Variants in CNOT6 observed in about 807,000 individuals in gnomAD.
CNOT6 encodes the protein CCR4-NOT transcription complex subunit 6.
Under a neutral mutation model 61.2 loss-of-function variants are expected in CNOT6, and 12 were observed. That is an observed-to-expected ratio of 0.20 (90% CI 0.13 to 0.32). CNOT6 has a LOEUF of 0.32. CNOT6 is among the 10% of genes least tolerant of loss of function. The pLI, the probability that CNOT6 is intolerant of heterozygous loss-of-function variation, is 1.00. For synonymous variants in CNOT6, 225 were observed against 240.6 expected (o/e 0.94, Z 0.60); for missense variants, 405 against 663.9 (o/e 0.61, Z 4.28).
chr5:180,521,594 T>C (rs1003310026), intron 1 of CNOT6, among the ~76,000 whole-genome samples: 1 of 152,216 alleles, frequency 6.6e-6, no homozygotes, highest in East Asian at 1.9e-4. Flanking sequence ...ATCCAAGGGG[T>C]ACATGTGCAG....
At chr5:180,559,888 T>G (rs1456565124) in intron 4 of CNOT6, among the ~76,000 whole-genome samples, 1 of 152,108 alleles carries the variant, frequency 6.6e-6, no homozygotes, top group African/African-American at 2.4e-5. Context: ...TTTTATTCAC[T>G]GCCATTGATA....
chr5:180,558,354 C>G (rs1230189928), intron 4 of CNOT6, among the ~76,000 whole-genome samples: 1 of 152,108 alleles, frequency 6.6e-6, no homozygotes, highest in Non-Finnish European at 1.5e-5. Flanking sequence ...ATCCATGCCA[C>G]GGGAGGAGGC....
intron 3 of CNOT6, among the ~76,000 whole-genome samples, chr5:180,551,608 A>G (rs926887207): frequency 6.3e-4 from 96 of 152,182 alleles, no homozygotes; most frequent in African/African-American, 2.0e-3. Flanking sequence ...ATATAAAGCT[A>G]AATTCCATGT....
At chr5:180,535,180 G>T (rs13168976) in intron 2 of CNOT6, among the ~76,000 whole-genome samples, 1 of 151,142 alleles carries the variant, frequency 6.6e-6, no homozygotes, top group Admixed American at 6.6e-5. Flanking sequence ...GGAAGGGGGC[G>T]TCTGGGGCAG....
rs1359269550 is a variant in CNOT6 at position 180,575,204 on chromosome 5, T to C, written c.*1004T>C. ...GCAGAGAAAATCTGTGCATCCTCTTTTATATTTTTAAAATACTGTTTAACA... is the reference window on the plus strand; with the variant it reads ...GCAGAGAAAATCTGTGCATCCTCTTCTATATTTTTAAAATACTGTTTAACA... On this transcript the variant is annotated 3_prime_UTR_variant, in exon 12 of 12. Coordinates refer to ENST00000261951, the MANE Select transcript of CNOT6 (RefSeq NM_001370472.1). 1 of 152,650 alleles carries C rather than the reference T, an allele frequency of 6.6e-6. No homozygotes were observed. Among genetic ancestry groups the C allele is most frequent in the Non-Finnish European group, 1.5e-5 (1 of 68,042 alleles). 9.5% of individuals were successfully genotyped at this position (152,650 alleles called of 1,614,324 possible).
chr5:180,553,288 C>A, intron 3 of CNOT6, 98 bp from the exon 4 acceptor site: 5 of 642,508 alleles, frequency 7.8e-6, no homozygotes, highest in Non-Finnish European at 7.9e-6. Context: ...AACATTTTTT[C>A]ATTCTTAGGT....
intron 1 of CNOT6, among the ~76,000 whole-genome samples, chr5:180,520,372 G>A (rs1413029595): frequency 1.3e-5 from 2 of 152,068 alleles, no homozygotes; most frequent in Non-Finnish European, 2.9e-5. Context: ...GGCCGGGCGC[G>A]GTGGCTCACA....
intron 1 of CNOT6, among the ~76,000 whole-genome samples, chr5:180,508,397 T>C (rs1041407754): frequency 3.3e-5 from 5 of 151,902 alleles, no homozygotes; most frequent in African/African-American, 7.3e-5. Context: ...CTGCAACTTC[T>C]GCTACCTGGG....
intron 2 of CNOT6, 52 bp downstream of exon 2, chr5:180,529,440 A>C (rs761087408): frequency 9.3e-7 from 1 of 1,080,242 alleles, no homozygotes; most frequent in South Asian, 1.4e-5. Context: ...TATGGTAGTA[A>C]ACTGAGTTTT....
intron 2 of CNOT6, among the ~76,000 whole-genome samples, chr5:180,541,339 A>T (rs1374106036): frequency 1.4e-5 from 2 of 148,080 alleles, no homozygotes; most frequent in African/African-American, 5.0e-5. Flanking sequence ...GGGTTTCACC[A>T]TGTTGGCCAG....
intron 1 of CNOT6, among the ~76,000 whole-genome samples, chr5:180,506,418 G>C (rs1433854701): frequency 5.9e-5 from 9 of 152,180 alleles, no homozygotes; most frequent in Admixed American, 5.9e-4. Flanking sequence ...AATAGTGTCT[G>C]CTCACAAGAG....
intron 4 of CNOT6, among the ~76,000 whole-genome samples, chr5:180,563,796 G>A (rs986567692): frequency 2.6e-5 from 4 of 152,148 alleles, no homozygotes; most frequent in African/African-American, 9.7e-5. Context: ...GTTGTTATTT[G>A]TACTTTTATT....
chr5:180,545,914 T>A (rs1327787300), intron 2 of CNOT6, among the ~76,000 whole-genome samples: 1 of 152,214 alleles, frequency 6.6e-6, no homozygotes, highest in East Asian at 1.9e-4. Context: ...CCCTAATGAC[T>A]CCCAATTTTG....
chr5:180,499,206 A>C (rs149018303), intron 1 of CNOT6, among the ~76,000 whole-genome samples: 1 of 152,336 alleles, frequency 6.6e-6, no homozygotes, highest in African/African-American at 2.4e-5. Flanking sequence ...AAGTGTCAGT[A>C]TGTTTTGGAA....
rs577015653 is a variant in CNOT6, at chr5:180,504,689, C to G, written c.-3+9926C>G. ...CCTTTTTAATCTTGGTGAGATTTTA[C>G]TACACAAATCATGGTTTTGACTTAA... is the stretch of plus-strand genomic sequence containing the variant. On this transcript the variant is annotated intron_variant, in intron 1 of 11. Coordinates refer to ENST00000261951, the MANE Select transcript of CNOT6 (RefSeq NM_001370472.1). 2.5e-4 allele frequency among the ~76,000 whole-genome samples: 38 copies of G among 152,266 alleles called. 1 individual carries two copies. The highest frequency in any genetic ancestry group is 2.0e-3 in the Admixed American group (31 of 15,288).
At chr5:180,511,998 GT>G (rs1028051293) in intron 1 of CNOT6, among the ~76,000 whole-genome samples, 1 of 152,050 alleles carries the variant, frequency 6.6e-6, no homozygotes, top group African/African-American at 2.4e-5. Flanking sequence ...CTCTTAATCT[GT>G]TTTGAAATTT....
At chr5:180,568,790 A>G (rs758524459) in intron 9 of CNOT6, among the ~76,000 whole-genome samples, 1 of 152,296 alleles carries the variant, frequency 6.6e-6, no homozygotes, top group Middle Eastern at 3.4e-3. Context: ...GAGGGTTTAG[A>G]TGTAATTTTG....
chr5:180,578,292 T>C lies in CNOT6; in HGVS notation c.*4092T>C, dbSNP rs2127774555. 1 of 152,778 alleles carries C rather than the reference T, an allele frequency of 6.5e-6. No individual in the cohort carries two copies. The highest frequency in any genetic ancestry group is 2.1e-4 in the South Asian group (1 of 4,824). The allele number at this position is 152,778 out of a possible 1,614,324, so 9.5% of individuals were successfully genotyped here. On this transcript the variant is annotated 3_prime_UTR_variant, in exon 12 of 12. Coordinates refer to ENST00000261951, the MANE Select transcript of CNOT6 (RefSeq NM_001370472.1). ...CCTCATGATATAAGGAATGGGCTCA[T>C]GTGTCTTCCGTCTTTTGGAAGGAGG...
chr5:180,494,828 C>G (rs1204574390), intron 1 of CNOT6, 65 bp downstream of exon 1: 1 of 151,942 alleles, frequency 6.6e-6, no homozygotes, highest in Admixed American at 6.6e-5. Flanking sequence ...GCACGGACCG[C>G]CCCCCGTCGG....
Sources: allele counts gnomAD v4.1 joint callset (sites outside exome capture counted in the v4.1 genomes callset), GRCh38; gene constraint gnomAD v4.1.1; transcripts MANE v1.5; gene names NCBI Gene and HGNC (gene_info 2026-07-23, HGNC 2026-07-21).